Variants in NFIL3 observed in about 807,000 individuals in gnomAD.
NFIL3 encodes nuclear factor, interleukin 3 regulated, also known as nuclear factor interleukin-3-regulated protein.
A neutral mutation model predicts 10.0 loss-of-function variants in NFIL3; 5 were observed. The ratio of observed to expected loss-of-function variants is 0.50; its 90% CI spans 0.26 to 1.06. The LOEUF (loss-of-function observed/expected upper bound fraction) is 1.06, where lower values mean the gene tolerates loss of function less well. NFIL3 is among the 50% of genes least tolerant of loss of function. NFIL3 has a pLI of 0.13. For missense variants in NFIL3, 436 were observed against 547.6 expected, an observed-to-expected ratio of 0.80 and a Z score of 2.03; for synonymous variants, 202 against 206.5, an observed-to-expected ratio of 0.98 and a Z score of 0.19.
intron 1 of NFIL3, among the ~76,000 whole-genome samples, chr9:91,420,930 CT>C: frequency 6.6e-6 from 1 of 152,268 alleles, no homozygotes; most frequent in South Asian, 2.1e-4. Flanking sequence ...CTCAACTCAA[CT>C]GGCCAAAGTC....
chr9:91,470,459 T>TAA, the NFIL3 span, among the ~76,000 whole-genome samples: 18 of 147,240 alleles, frequency 1.2e-4, no homozygotes, highest in African/African-American at 3.1e-4. Flanking sequence ...GTTGATCTTT[T>TAA]AAAAAAAACC....
chr9:91,479,538 C>T, the NFIL3 span, among the ~76,000 whole-genome samples: 4 of 152,206 alleles, frequency 2.6e-5, no homozygotes, highest in Non-Finnish European at 1.5e-5. Flanking sequence ...GACTGCTGTC[C>T]TGGTAGCGAG....
rs369157668 is a variant in NFIL3, at chr9:91,410,743, A to G, written c.-9T>C. On this transcript the variant is annotated 5_prime_UTR_variant, in exon 2 of 2. Coordinates refer to ENST00000297689, the MANE Select transcript of NFIL3 (RefSeq NM_005384.3). The surrounding 1 kb of genome is among the most constrained non-coding windows in gnomAD (Gnocchi z 5.7). ...ATTTTTCTCAGCTGCATCAGAAACA[A>G]CCTTACCCTATCTATGTGTGTAGGA... 2 of 1,573,344 alleles carry G rather than the reference A, an allele frequency of 1.3e-6. No individual in the cohort carries two copies. Among genetic ancestry groups the G allele is most frequent in the Non-Finnish European group, 1.7e-6 (2 of 1,163,718 alleles).
At chr9:91,430,471 T>C in the NFIL3 span, among the ~76,000 whole-genome samples, 4 of 152,152 alleles carry the variant, frequency 2.6e-5, no homozygotes, top group Admixed American at 2.6e-4. Context: ...AATGGGAAGA[T>C]GAGGATGGTG....
At chr9:91,466,697 A>G in the NFIL3 span, among the ~76,000 whole-genome samples, 1 of 152,188 alleles carries the variant, frequency 6.6e-6, no homozygotes, top group South Asian at 2.1e-4. Context: ...TACGCAGGAT[A>G]GTTCTATCAC....
Position 91,409,148 on chromosome 9 carries a change from C to A in NFIL3, c.*198G>T. 1.8e-6 allele frequency: 1 copy of A among 541,778 alleles called. No individual in the cohort carries two copies. The highest frequency in any genetic ancestry group is 3.2e-6 in the Non-Finnish European group (1 of 314,652). 33.6% of individuals were successfully genotyped at this position (541,778 alleles called of 1,614,324 possible). Reference sequence around the variant, plus strand: ...TATATACAGCCTTCGCATGGACTATCTGACTATACACAGGCAGAGTGATAA... The same window carrying A: ...TATATACAGCCTTCGCATGGACTATATGACTATACACAGGCAGAGTGATAA... On this transcript the variant is annotated 3_prime_UTR_variant, in exon 2 of 2. Coordinates refer to ENST00000297689, the MANE Select transcript of NFIL3 (RefSeq NM_005384.3).
chr9:91,463,008 C>A, the NFIL3 span, among the ~76,000 whole-genome samples: 2 of 151,618 alleles, frequency 1.3e-5, no homozygotes, highest in African/African-American at 2.4e-5. Flanking sequence ...CTTTATTATC[C>A]TTTTAATATC....
At chr9:91,459,292 A>C in the NFIL3 span, among the ~76,000 whole-genome samples, 1 of 152,196 alleles carries the variant, frequency 6.6e-6, no homozygotes, top group African/African-American at 2.4e-5. Context: ...TGCTCAGTGA[A>C]GCCCATCATG....
chr9:91,448,346 T>C, the NFIL3 span, among the ~76,000 whole-genome samples: 1 of 152,038 alleles, frequency 6.6e-6, no homozygotes, highest in Non-Finnish European at 1.5e-5. Flanking sequence ...CTTCCATCCA[T>C]GACAGAAAGC....
the NFIL3 span, among the ~76,000 whole-genome samples, chr9:91,432,276 C>G: frequency 1.3e-5 from 2 of 152,194 alleles, no homozygotes; most frequent in African/African-American, 4.8e-5. Flanking sequence ...ACAGTCTGTG[C>G]TGTCTTGGGG....
chr9:91,452,328 A>C, the NFIL3 span, among the ~76,000 whole-genome samples: 1 of 152,338 alleles, frequency 6.6e-6, no homozygotes, highest in Admixed American at 6.5e-5. Context: ...CCTTTTGATA[A>C]TAACTTAACT....
At chr9:91,420,305 CTTACTG>C (rs1233578540) in intron 1 of NFIL3, among the ~76,000 whole-genome samples, 1 of 151,564 alleles carries the variant, frequency 6.6e-6, no homozygotes. Flanking sequence ...AACACGAATC[CTTACTG>C]TTACTGCGAA....
At chr9:91,421,947 C>T (rs1000912116) in intron 1 of NFIL3, among the ~76,000 whole-genome samples, 2 of 152,190 alleles carry the variant, frequency 1.3e-5, no homozygotes, top group African/African-American at 4.8e-5. Flanking sequence ...CATATTCACA[C>T]ATCTTCACAT....
the NFIL3 span, among the ~76,000 whole-genome samples, chr9:91,432,401 A>G: frequency 3.3e-5 from 5 of 152,174 alleles, no homozygotes; most frequent in Non-Finnish European, 7.3e-5. Flanking sequence ...CTCCCAAGAA[A>G]GGCTTAGCAC....
chr9:91,416,574 G>A (rs1327378298), intron 1 of NFIL3, among the ~76,000 whole-genome samples: 1 of 152,068 alleles, frequency 6.6e-6, no homozygotes, highest in African/African-American at 2.4e-5. Context: ...TATGATGTTA[G>A]TGTATTCAGC....
chr9:91,457,548 T>C, the NFIL3 span, among the ~76,000 whole-genome samples: 5 of 152,148 alleles, frequency 3.3e-5, no homozygotes, highest in African/African-American at 1.2e-4. Flanking sequence ...TATAGAAATA[T>C]AATGTATTAT....
chr9:91,462,552 T>C, the NFIL3 span, among the ~76,000 whole-genome samples: 1 of 152,248 alleles, frequency 6.6e-6, no homozygotes, highest in African/African-American at 2.4e-5. Flanking sequence ...TTCCACTTGA[T>C]TGTAATGCAT....
the NFIL3 span, among the ~76,000 whole-genome samples, chr9:91,446,166 C>A: frequency 6.6e-6 from 1 of 152,144 alleles, no homozygotes; most frequent in African/African-American, 2.4e-5. Context: ...TGCAGATGTC[C>A]ACAGTGGTGA....
rs559457112 is a variant in NFIL3 at position 91,415,040 on chromosome 9, T to G, written c.-172-4134A>C. Among the ~76,000 whole-genome samples the G allele has an allele frequency of 3.3e-5, 5 of 152,336 alleles. No individual in the cohort carries two copies. In the South Asian group the frequency reaches 1.0e-3, roughly 32 times the overall value. ...TTTACTTATTAACAGAGAGATTCTC[T>G]TATTCATTAATTTGTTTATTCAACA... On this transcript the variant is annotated intron_variant, in intron 1 of 1. Coordinates refer to ENST00000297689, the MANE Select transcript of NFIL3 (RefSeq NM_005384.3).
Sources: gnomAD v4.1 joint callset for allele counts (sites outside exome capture counted in the v4.1 genomes callset) on GRCh38, gnomAD v4.1.1 for gene constraint, Gnocchi (gnomAD v3.1) non-coding constraint, MANE v1.5 for transcripts, NCBI Gene and HGNC (gene_info 2026-07-23, HGNC 2026-07-21) for gene names.